The following PGAP4 variants were observed in gnomAD, a reference collection of about 807,000 sequenced individuals.
PGAP4 encodes the protein post-GPI attachment to proteins GalNAc transferase 4.
A neutral mutation model predicts 28.2 loss-of-function variants in PGAP4; 12 were observed. That is an observed-to-expected ratio of 0.42 (90% confidence interval 0.27 to 0.69). PGAP4 has a LOEUF of 0.69. PGAP4 is among the 30% of genes least tolerant of loss of function. The pLI, the probability that PGAP4 is intolerant of heterozygous loss-of-function variation, is 0.22. For missense variants in PGAP4, 425 were observed against 513.5 expected (o/e 0.83, Z 1.67); for synonymous variants, 205 against 211.8 (o/e 0.97, Z 0.28).
intron 2 of PGAP4, among the ~76,000 whole-genome samples, chr9:101,512,024 A>C (rs1826902462): frequency 6.6e-6 from 1 of 152,154 alleles, no homozygotes; most frequent in Non-Finnish European, 1.5e-5. Context: ...ACCTGTGAAT[A>C]ATGTGTTGAG....
chr9:101,474,415 A>C lies in PGAP4; in HGVS notation c.*1466T>G, dbSNP rs1826237930. On this transcript the variant is annotated 3_prime_UTR_variant, in exon 2 of 2. Coordinates refer to ENST00000374848, the MANE Select transcript of PGAP4 (RefSeq NM_032342.3). ...GTAACTTGTTGGTCACTAGTCTGACAGTACTGTTAAAAGACATTTATTTGT... is the reference window on the plus strand; with the variant it reads ...GTAACTTGTTGGTCACTAGTCTGACCGTACTGTTAAAAGACATTTATTTGT... 4 of 152,274 alleles carry C rather than the reference A, an allele frequency of 2.6e-5. No homozygotes were observed. In the South Asian group the frequency reaches 8.3e-4, roughly 31 times the overall value. The allele number at this position is 152,274 out of a possible 1,614,324, so 9.4% of individuals were successfully genotyped here. A position where few individuals can be genotyped will look rare whatever the true frequency, so the allele number is the denominator to read the frequency against.
intron 2 of PGAP4, chr9:101,501,730 C>A (rs749557232): frequency 2.3e-5 from 12 of 519,124 alleles, no homozygotes; most frequent in Non-Finnish European, 4.6e-5. Flanking sequence ...CCAGTTTGTT[C>A]CAGGGCTCTG....
At chr9:101,478,709 G>T (rs1017959895) in intron 1 of PGAP4, among the ~76,000 whole-genome samples, 3 of 152,184 alleles carry the variant, frequency 2.0e-5, no homozygotes, top group Non-Finnish European at 4.4e-5. Context: ...TCTAGAGGAG[G>T]TACAGCCACC....
intron 2 of PGAP4, among the ~76,000 whole-genome samples, chr9:101,513,731 C>T (rs367569081): frequency 3.3e-5 from 5 of 152,142 alleles, no homozygotes; most frequent in African/African-American, 1.2e-4. Flanking sequence ...GGGGAATGGG[C>T]TCACATAATT....
At chr9:101,488,241 T>C (rs919278817), upstream of PGAP4, among the ~76,000 whole-genome samples, 7 of 151,930 alleles carry the variant, frequency 4.6e-5, no homozygotes, top group African/African-American at 1.5e-4. Flanking sequence ...AATTTGTCAT[T>C]AGGAATGCTG....
At chr9:101,529,268 G>T (rs1827064827) in intron 2 of PGAP4, among the ~76,000 whole-genome samples, 1 of 150,642 alleles carries the variant, frequency 6.6e-6, no homozygotes, top group Admixed American at 6.7e-5. Flanking sequence ...TGATTCTCCT[G>T]CCTCAGCCTC....
chr9:101,504,209 G>GGTTTTTT (rs1826829062), intron 2 of PGAP4, among the ~76,000 whole-genome samples: 1 of 22,692 alleles, frequency 4.4e-5, no homozygotes, highest in Non-Finnish European at 8.0e-5. Flanking sequence ...GTGTGTGTTT[G>GGTTTTTT]TTTTTTTTTT....
chr9:101,501,903 C>G (rs1425145148), intron 2 of PGAP4: 1 of 398,820 alleles, frequency 2.5e-6, no homozygotes, highest in Non-Finnish European at 4.9e-6. Context: ...GCAGAGGCCT[C>G]CGATTGGAAA....
chr9:101,520,918 T>G (rs1015582037), intron 2 of PGAP4, among the ~76,000 whole-genome samples: 4 of 152,212 alleles, frequency 2.6e-5, no homozygotes, highest in African/African-American at 9.6e-5. Context: ...CTTAGGGTTT[T>G]GGTCATAAAG....
chr9:101,502,289 A>G (rs1826810720), intron 2 of PGAP4, among the ~76,000 whole-genome samples: 1 of 152,104 alleles, frequency 6.6e-6, no homozygotes, highest in Admixed American at 6.6e-5. Context: ...TGAACTTGTT[A>G]AGAAAATACC....
At chr9:101,523,619 CTTTTTT>C (rs71356369) in intron 2 of PGAP4, among the ~76,000 whole-genome samples, 196 of 59,260 alleles carry the variant, frequency 3.3e-3, no homozygotes, top group Middle Eastern at 0.017. Flanking sequence ...CTTCTTGTAT[CTTTTTT>C]TTTTTTTTTT....
At chr9:101,508,205 T>G (rs952153926) in intron 2 of PGAP4, among the ~76,000 whole-genome samples, 10 of 148,822 alleles carry the variant, frequency 6.7e-5, no homozygotes, top group African/African-American at 2.5e-4. Flanking sequence ...GCATTCACCA[T>G]CCAATATGAG....
At chr9:101,479,895 T>A (rs970842668) in intron 1 of PGAP4, 1 of 152,210 alleles carries the variant, frequency 6.6e-6, no homozygotes, top group South Asian at 2.1e-4. Context: ...GCCTGGAAGC[T>A]GCACAAGAGG....
At chr9:101,504,209 G>GTTTTTTTTT (rs3081858) in intron 2 of PGAP4, among the ~76,000 whole-genome samples, 9 of 22,706 alleles carry the variant, frequency 4.0e-4, no homozygotes, top group African/African-American at 5.8e-4. Flanking sequence ...GTGTGTGTTT[G>GTTTTTTTTT]TTTTTTTTTT....
At chr9:101,495,826 A>T (rs971831822) in intron 2 of PGAP4, among the ~76,000 whole-genome samples, 7 of 151,088 alleles carry the variant, frequency 4.6e-5, no homozygotes, top group African/African-American at 1.7e-4. Context: ...AAGGCCAGTT[A>T]CAAAAAGGTA....
chr9:101,483,227 T>C (rs146035128), intron 1 of PGAP4, among the ~76,000 whole-genome samples: 193 of 152,332 alleles, frequency 1.3e-3, no homozygotes, highest in African/African-American at 4.5e-3. Flanking sequence ...TTGGCTTCTT[T>C]TGACCTCTAT....
chr9:101,476,170 A>G lies in PGAP4; in HGVS notation c.923T>C (p.Val308Ala). Residue 308 changes from valine to alanine, a missense_variant, in exon 2 of 2, where the codon GTG becomes GCG. Val to Ala is a moderately conservative substitution (Grantham distance 64, BLOSUM62 0). Transcript: ENST00000374848. This position sits in a 1 kb window ranked among gnomAD's most constrained non-coding sequence, Gnocchi z 7.0. ...SLYSMGLVEL[V>A]GRHYFLELRR... ...CAGTTCCAGGAAATAGTGCCGACCC[A>G]CCAGCTCCACCAGACCCATGCTATA... 3.7e-6 allele frequency: 6 copies of G among 1,614,136 alleles called. No homozygotes were observed. The highest frequency in any genetic ancestry group is 5.1e-6 in the Non-Finnish European group (6 of 1,180,012).
At chr9:101,492,555 T>C (rs1232317186) in intron 2 of PGAP4, among the ~76,000 whole-genome samples, 3 of 152,198 alleles carry the variant, frequency 2.0e-5, no homozygotes, top group African/African-American at 7.2e-5. Context: ...CATTGTAATG[T>C]ATTGTAGCAA....
At chr9:101,479,727 A>G (rs1049531767) in intron 1 of PGAP4, 2 of 152,240 alleles carry the variant, frequency 1.3e-5, no homozygotes, top group Non-Finnish European at 2.9e-5. Flanking sequence ...TTTATAACTT[A>G]AAGTGATAAC....
Sources: allele counts gnomAD v4.1 joint callset (sites outside exome capture counted in the v4.1 genomes callset), GRCh38; gene constraint gnomAD v4.1.1; non-coding constraint Gnocchi (gnomAD v3.1); transcripts MANE v1.5; gene names NCBI Gene and HGNC (gene_info 2026-07-23, HGNC 2026-07-21).